Variants in PDE4D observed in about 807,000 individuals in gnomAD.
PDE4D encodes the protein 3',5'-cyclic-AMP phosphodiesterase 4D.
PDE4D carries 24 observed loss-of-function variants against 87.4 expected under a neutral mutation model. The ratio of observed to expected loss-of-function variants is 0.27; its 90% CI spans 0.20 to 0.39. The LOEUF (loss-of-function observed/expected upper bound fraction) is 0.39. Among genes scored for constraint, PDE4D ranks in the 10% least tolerant of loss-of-function variants. PDE4D has a pLI of 1.00. For missense variants in PDE4D, 714 were observed against 1,041.0 expected (o/e 0.69, Z 4.32); for synonymous variants, 384 against 383.2 (o/e 1.00, Z -0.02).
intron 6 of PDE4D, among the ~76,000 whole-genome samples, chr5:59,029,257 CA>C (rs35339520): frequency 0.84 from 119,116 of 141,000 alleles, 50,066 homozygotes; most frequent in Admixed American, 0.9. Context: ...CTTAAAAATA[CA>C]AAAAAAAAAA....
chr5:59,179,917 T>G (rs1355554831), intron 5 of PDE4D, among the ~76,000 whole-genome samples: 2 of 152,222 alleles, frequency 1.3e-5, no homozygotes, highest in Non-Finnish European at 2.9e-5. Flanking sequence ...TGCATTCTGT[T>G]TTTGGTTCAG....
rs543298976 is a variant in PDE4D at position 59,282,519 on chromosome 5, T to C, written c.456-66551A>G. On this transcript the variant is annotated intron_variant, in intron 1 of 14. Coordinates refer to ENST00000340635, the MANE Select transcript of PDE4D (RefSeq NM_001104631.2). ...TTAGCTGGGTGTGGTGGCGAGCACC[T>C]GTAATCCCAGCTACTTGGGAGGCTG... 1.5e-3 allele frequency among the ~76,000 whole-genome samples: 234 copies of C among 151,790 alleles called. 2 individuals are homozygous for C. Among genetic ancestry groups the C allele is most frequent in the African/African-American group, 5.5e-3 (227 of 41,378 alleles).
In PDE4D at chr5:60,342,493, G is replaced by C. The variant is rs80212123; in HGVS notation, c.-90+145449C>G. 0.012 allele frequency among the ~76,000 whole-genome samples: 1,838 copies of C among 152,228 alleles called. 59 individuals carry two copies. The East Asian group carries it at 0.13, about 11-fold the overall frequency. ...CAAGTTCCTATATCACATCAAATGA[G>C]AGAATGAAACCAAAGTGCTGGGAAC... On this transcript the variant is annotated intron_variant, in intron 1 of 16. Transcript: ENST00000502484.
chr5:59,059,535 GA>G (rs1210917027), intron 5 of PDE4D, among the ~76,000 whole-genome samples: 4 of 152,298 alleles, frequency 2.6e-5, no homozygotes, highest in South Asian at 4.1e-4. Flanking sequence ...GTAAGAACAT[GA>G]AGAGCATCAG....
intron 3 of PDE4D, among the ~76,000 whole-genome samples, chr5:59,959,135 T>C (rs75943103): frequency 0.21 from 24,780 of 120,152 alleles, 2,632 homozygotes; most frequent in African/African-American, 0.36. Flanking sequence ...CACACACAAA[T>C]ACCTAGGACT....
At chr5:59,716,554 C>T (rs1189244419) in intron 1 of PDE4D, among the ~76,000 whole-genome samples, 2 of 152,280 alleles carry the variant, frequency 1.3e-5, no homozygotes, top group East Asian at 1.9e-4. Flanking sequence ...GTTGGTAATC[C>T]TCTTACTTTA....
At chr5:59,299,631 T>C (rs1344132951) in intron 1 of PDE4D, among the ~76,000 whole-genome samples, 3 of 152,210 alleles carry the variant, frequency 2.0e-5, no homozygotes, top group East Asian at 1.9e-4. Context: ...TTAGGTTTGT[T>C]TGTCTGTTTT....
intron 3 of PDE4D, among the ~76,000 whole-genome samples, chr5:59,904,820 CA>C (rs962922781): frequency 2.0e-5 from 3 of 151,976 alleles, no homozygotes; most frequent in South Asian, 4.1e-4. Flanking sequence ...ATGAATAATA[CA>C]TTTTTTTAAA....
intron 1 of PDE4D, among the ~76,000 whole-genome samples, chr5:59,729,608 A>C (rs1757091326): frequency 6.6e-6 from 1 of 151,506 alleles, no homozygotes; most frequent in African/African-American, 2.4e-5. Context: ...TGGAACCACT[A>C]ATACAGTGAC....
intron 2 of PDE4D, among the ~76,000 whole-genome samples, chr5:59,204,314 A>G (rs1396225089): frequency 6.6e-6 from 1 of 152,174 alleles, no homozygotes; most frequent in Non-Finnish European, 1.5e-5. Flanking sequence ...TACGCAACAT[A>G]AGCAAAAAAT....
rs1045871311 is a variant in PDE4D, at chr5:60,297,927, G to C, written c.-89-112240C>G. Among the ~76,000 whole-genome samples, 3 of 152,290 alleles carry C rather than the reference G, an allele frequency of 2.0e-5. No homozygotes were observed. The East Asian group carries it at 5.8e-4, about 29-fold the overall frequency. On this transcript the variant is annotated intron_variant, in intron 1 of 16. Coordinates refer to the PDE4D transcript ENST00000502484. ...GTAGAAGACTCATGTTTATGGATGT[G>C]ATTAACAAACTGCCAGTGCATTCAG...
intron 1 of PDE4D, among the ~76,000 whole-genome samples, chr5:60,358,314 C>T (rs536992837): frequency 6.6e-6 from 1 of 152,188 alleles, no homozygotes; most frequent in Non-Finnish European, 1.5e-5. Context: ...AGAAGCAAAA[C>T]ATGGGTTCCT....
At chr5:59,176,598 T>C (rs62357973) in intron 5 of PDE4D, among the ~76,000 whole-genome samples, 9,286 of 151,914 alleles carry the variant, frequency 0.061, 305 homozygotes, top group South Asian at 0.069. Flanking sequence ...CTTTAATACA[T>C]GTCAAATGCA....
intron 1 of PDE4D, among the ~76,000 whole-genome samples, chr5:59,858,477 CAG>C (rs1450334685): frequency 1.3e-5 from 2 of 152,042 alleles, no homozygotes; most frequent in Non-Finnish European, 2.9e-5. Context: ...ACTGTCATGA[CAG>C]AGACTTGAAA....
At chr5:59,002,272 A>T (rs10051287) in intron 6 of PDE4D, among the ~76,000 whole-genome samples, 15,548 of 152,190 alleles carry the variant, frequency 0.1, 1,039 homozygotes, top group Non-Finnish European at 0.13. Flanking sequence ...TAATCTTTTT[A>T]GTGTGTCAGC....
intron 5 of PDE4D, among the ~76,000 whole-genome samples, chr5:59,066,477 C>A (rs1413315295): frequency 1.3e-5 from 2 of 152,066 alleles, no homozygotes; most frequent in African/African-American, 4.8e-5. Context: ...AGCCTGCCCA[C>A]CATTTGTTAC....
In PDE4D at chr5:59,547,278, T is replaced by C. The variant is rs138031942; in HGVS notation, c.456-331310A>G. 2.8e-3 allele frequency among the ~76,000 whole-genome samples: 424 copies of C among 152,290 alleles called. 1 individual carries two copies. The highest frequency in any genetic ancestry group is 9.8e-3 in the African/African-American group (409 of 41,578). ...ACATTATCTGTGAATTTTATTTATC[T>C]ATGAACTTCTATCAGTTTTTTATAG... is the stretch of plus-strand genomic sequence containing the variant. On this transcript the variant is annotated intron_variant, in intron 1 of 14. Coordinates refer to ENST00000340635, the MANE Select transcript of PDE4D (RefSeq NM_001104631.2).
chr5:58,975,498 G>T lies in PDE4D; in HGVS notation c.2013+159C>A, dbSNP rs1743495285. Among the ~76,000 whole-genome samples, 1 of 152,146 alleles carries T rather than the reference G, an allele frequency of 6.6e-6. No homozygotes were observed. The highest frequency in any genetic ancestry group is 1.5e-5 in the Non-Finnish European group (1 of 68,004). Reference sequence around the variant, plus strand: ...CTATATGAATGTAAGTCATAAGAATGAAAGTTCTTTGGATCATAAATACTA... The same window carrying T: ...CTATATGAATGTAAGTCATAAGAATTAAAGTTCTTTGGATCATAAATACTA... On this transcript the variant is annotated intron_variant, in intron 14 of 14. Coordinates refer to ENST00000340635, the MANE Select transcript of PDE4D (RefSeq NM_001104631.2). The surrounding 1 kb of genome is among the most constrained non-coding windows in gnomAD (Gnocchi z 4.2).
chr5:60,371,132 G>A (rs1266128109), intron 1 of PDE4D, among the ~76,000 whole-genome samples: 1 of 152,170 alleles, frequency 6.6e-6, no homozygotes, highest in Non-Finnish European at 1.5e-5. Context: ...ATTAAACAAG[G>A]TCAAGAAGTG....
Sources: gnomAD v4.1 joint callset for allele counts (sites outside exome capture counted in the v4.1 genomes callset) on GRCh38, gnomAD v4.1.1 for gene constraint, Gnocchi (gnomAD v3.1) non-coding constraint, MANE v1.5 for transcripts, NCBI Gene and HGNC (gene_info 2026-07-23, HGNC 2026-07-21) for gene names.